The following ROBO2 variants were observed in gnomAD, a reference collection of about 807,000 sequenced individuals.
ROBO2 encodes roundabout homolog 2.
ROBO2 carries 53 observed loss-of-function variants against 160.8 expected under a neutral mutation model. The ratio of observed to expected loss-of-function variants is 0.33; its 90% confidence interval spans 0.26 to 0.41. The LOEUF is 0.41. ROBO2 is among the 10% of genes least tolerant of loss of function. The pLI, the probability that ROBO2 is intolerant of heterozygous loss-of-function variation, is 1.00. For missense variants in ROBO2, 1,577 were observed against 1,722.4 expected (o/e 0.92, Z 1.49); for synonymous variants, 664 against 611.7 (o/e 1.09, Z -1.26).
chr3:76,030,786 G>C, intron 2 of ROBO2, among the ~76,000 whole-genome samples: 1 of 152,186 alleles, frequency 6.6e-6, no homozygotes. Context: ...AGTATAGTTT[G>C]AAGTCAGGTA....
In ROBO2 at chr3:76,623,411, G is replaced by A. The variant is rs185986743; in HGVS notation, c.110-474603G>A. On this transcript the variant is annotated intron_variant, in intron 2 of 26. Coordinates refer to the ROBO2 transcript ENST00000487694. ...TGGTAGAAACAGATATTATTACTCT[G>A]CAAATCATGGCTAAATTGCTGTTAA... Among the ~76,000 whole-genome samples, 21 of 152,206 alleles carry A rather than the reference G, an allele frequency of 1.4e-4. No individual in the cohort carries two copies. The East Asian group carries it at 3.9e-3, about 28-fold the overall frequency.
At chr3:77,037,182 G>C (rs1347319895), upstream of ROBO2, among the ~76,000 whole-genome samples, 1 of 152,058 alleles carries the variant, frequency 6.6e-6, no homozygotes, top group East Asian at 1.9e-4. Flanking sequence ...ACTATCATTT[G>C]GGATGAGATT....
intron 2 of ROBO2, among the ~76,000 whole-genome samples, chr3:76,226,196 A>C (rs576469839): frequency 1.3e-5 from 2 of 152,332 alleles, no homozygotes; most frequent in African/African-American, 4.8e-5. Context: ...AGGTCAGAAA[A>C]TCTGTTTAAC....
At chr3:76,860,784 C>T (rs554138332) in intron 2 of ROBO2, among the ~76,000 whole-genome samples, 1 of 152,278 alleles carries the variant, frequency 6.6e-6, no homozygotes, top group Admixed American at 6.5e-5. Context: ...AATCACTTGT[C>T]CCTAGATGCT....
intron 2 of ROBO2, among the ~76,000 whole-genome samples, chr3:76,061,878 C>A (rs2107891887): frequency 6.6e-6 from 1 of 152,250 alleles, no homozygotes. Context: ...CCGACAGGGG[C>A]CACCCGCATT....
intron 2 of ROBO2, among the ~76,000 whole-genome samples, chr3:76,611,132 C>A (rs905794318): frequency 6.6e-6 from 1 of 151,886 alleles, no homozygotes; most frequent in Non-Finnish European, 1.5e-5. Flanking sequence ...AGGAACCCGT[C>A]GAGAGAGAGA....
At chr3:76,073,919 C>A (rs2068557865) in intron 2 of ROBO2, among the ~76,000 whole-genome samples, 1 of 152,172 alleles carries the variant, frequency 6.6e-6, no homozygotes. Context: ...TATGGTGTCT[C>A]TGTGGGGCCC....
At chr3:77,080,685 C>G (rs537525828) in intron 1 of ROBO2, among the ~76,000 whole-genome samples, 3 of 152,186 alleles carry the variant, frequency 2.0e-5, no homozygotes, top group Non-Finnish European at 4.4e-5. Context: ...CTGGAAAGCT[C>G]TCTTCAGCTG....
intron 2 of ROBO2, among the ~76,000 whole-genome samples, chr3:76,740,351 G>A (rs745963558): frequency 9.9e-5 from 15 of 152,084 alleles, no homozygotes; most frequent in Non-Finnish European, 2.1e-4. Context: ...GCTATGTTGC[G>A]TTATACTGTC....
intron 19 of ROBO2, among the ~76,000 whole-genome samples, chr3:77,599,946 T>G (rs537859704): frequency 6.6e-6 from 1 of 152,122 alleles, no homozygotes; most frequent in African/African-American, 2.4e-5. Context: ...GATAATTATA[T>G]AAAACAAAAG....
chr3:76,337,072 A>C (rs1038887327), intron 2 of ROBO2, among the ~76,000 whole-genome samples: 1 of 152,152 alleles, frequency 6.6e-6, no homozygotes, highest in Non-Finnish European at 1.5e-5. Flanking sequence ...TTATCCATTT[A>C]AAAACTGAGC....
chr3:76,962,960 A>G (rs2079782852), intron 2 of ROBO2, among the ~76,000 whole-genome samples: 1 of 152,220 alleles, frequency 6.6e-6, no homozygotes, highest in Admixed American at 6.5e-5. Context: ...GAGTTTTTAA[A>G]ATGATTTACT....
At chr3:76,108,109 T>G (rs2070029876) in intron 2 of ROBO2, among the ~76,000 whole-genome samples, 1 of 152,112 alleles carries the variant, frequency 6.6e-6, no homozygotes, top group South Asian at 2.1e-4. Flanking sequence ...AATGTATAAT[T>G]TATTTCTCAA....
intron 1 of ROBO2, among the ~76,000 whole-genome samples, chr3:77,054,936 G>GCGTA (rs1553748684): frequency 6.6e-6 from 1 of 151,192 alleles, no homozygotes; most frequent in Non-Finnish European, 1.5e-5. Context: ...GTATGTGTGT[G>GCGTA]TGTGTGTGTG....
intron 2 of ROBO2, among the ~76,000 whole-genome samples, chr3:76,460,439 T>C (rs907165257): frequency 6.6e-6 from 1 of 152,178 alleles, no homozygotes; most frequent in Non-Finnish European, 1.5e-5. Context: ...TATAGACAAG[T>C]GGTGCTTTGT....
intron 2 of ROBO2, among the ~76,000 whole-genome samples, chr3:76,726,132 C>G (rs1015764652): frequency 1.2e-4 from 18 of 152,076 alleles, no homozygotes; most frequent in Non-Finnish European, 2.5e-4. Flanking sequence ...AAAATTTGCA[C>G]AGACTCACTT....
intron 2 of ROBO2, among the ~76,000 whole-genome samples, chr3:77,160,458 T>G (rs1317174710): frequency 6.6e-6 from 1 of 152,192 alleles, no homozygotes; most frequent in Non-Finnish European, 1.5e-5. Context: ...TTCATTGGAT[T>G]GATTACTGGC....
intron 2 of ROBO2, among the ~76,000 whole-genome samples, chr3:76,007,905 A>C (rs562597472): frequency 6.6e-6 from 1 of 152,284 alleles, no homozygotes; most frequent in South Asian, 2.1e-4. Context: ...AGGATATTAG[A>C]GAAAATTAGA....
chr3:76,502,388 T>C (rs546329296), intron 2 of ROBO2, among the ~76,000 whole-genome samples: 148 of 152,304 alleles, frequency 9.7e-4, no homozygotes, highest in African/African-American at 3.4e-3. Flanking sequence ...ATTTCTTTGC[T>C]CTAAAGTATA....
Sources: allele counts gnomAD v4.1 joint callset (sites outside exome capture counted in the v4.1 genomes callset), GRCh38; gene constraint gnomAD v4.1.1; transcripts MANE v1.5; gene names NCBI Gene and HGNC (gene_info 2026-07-23, HGNC 2026-07-21).